KLF12: variants seen among roughly 807,000 people sequenced by gnomAD.
KLF12 encodes KLF transcription factor 12, also known as Krueppel-like factor 12.
A neutral mutation model predicts 37.8 loss-of-function variants in KLF12; 9 were observed. The ratio of observed to expected loss-of-function variants is 0.24; its 90% CI spans 0.14 to 0.42. The LOEUF is 0.42. Among genes scored for constraint, KLF12 ranks in the 10% least tolerant of loss-of-function variants. The pLI, the probability that KLF12 is intolerant of heterozygous loss-of-function variation, is 1.00. For synonymous variants in KLF12, 208 were observed against 202.1 expected (o/e 1.03, Z -0.25); for missense variants, 411 against 516.0 (o/e 0.80, Z 1.97).
chr13:73,976,278 A>G (rs1374815594), intron 2 of KLF12, among the ~76,000 whole-genome samples: 2 of 152,150 alleles, frequency 1.3e-5, no homozygotes, highest in Non-Finnish European at 2.9e-5. Flanking sequence ...TAAATAAGTG[A>G]AACAGATACA....
chr13:74,023,353 C>T (rs1892892573), intron 1 of KLF12, among the ~76,000 whole-genome samples: 1 of 152,204 alleles, frequency 6.6e-6, no homozygotes, highest in South Asian at 2.1e-4. Context: ...TTCTTCTCTA[C>T]TTATTGGCAG....
chr13:73,865,082 A>G (rs1487702054), intron 3 of KLF12, among the ~76,000 whole-genome samples: 2 of 152,148 alleles, frequency 1.3e-5, no homozygotes, highest in Non-Finnish European at 2.9e-5. Context: ...GGAGTCTATA[A>G]TAAGTCAAAT....
At chr13:74,112,331 T>C (rs1877020539) in intron 1 of KLF12, among the ~76,000 whole-genome samples, 1 of 150,960 alleles carries the variant, frequency 6.6e-6, no homozygotes, top group African/African-American at 2.4e-5. Flanking sequence ...AAAAGTTCTT[T>C]ATACAGGCAT....
At chr13:73,714,539 A>G (rs1875652806) in intron 7 of KLF12, among the ~76,000 whole-genome samples, 1 of 152,128 alleles carries the variant, frequency 6.6e-6, no homozygotes, top group African/African-American at 2.4e-5. Context: ...TCCCTGCTCT[A>G]TCGGCTTCTT....
intron 7 of KLF12, among the ~76,000 whole-genome samples, chr13:73,700,548 TA>T (rs1291723964): frequency 6.6e-6 from 1 of 151,842 alleles, no homozygotes; most frequent in African/African-American, 2.4e-5. Flanking sequence ...GCCCCATTAA[TA>T]AAATTAGAAT....
chr13:74,048,229 C>T (rs1893598760), intron 1 of KLF12, among the ~76,000 whole-genome samples: 1 of 152,178 alleles, frequency 6.6e-6, no homozygotes, highest in South Asian at 2.1e-4. Flanking sequence ...ACTTGCTGGC[C>T]ACATGTAGAG....
chr13:73,807,257 C>T (rs749494420), intron 5 of KLF12, among the ~76,000 whole-genome samples: 3 of 151,244 alleles, frequency 2.0e-5, no homozygotes, highest in East Asian at 1.9e-4. Context: ...TGCAGTGAGC[C>T]GAGATCGTGC....
intron 4 of KLF12, among the ~76,000 whole-genome samples, chr13:73,820,929 T>C (rs774757974): frequency 6.6e-6 from 1 of 152,192 alleles, no homozygotes; most frequent in Non-Finnish European, 1.5e-5. Context: ...TTAAGCCCTG[T>C]GGGCCCTGCC....
the KLF12 span, among the ~76,000 whole-genome samples, chr13:74,218,157 T>A: frequency 1.3e-5 from 2 of 152,218 alleles, no homozygotes; most frequent in East Asian, 1.9e-4. Flanking sequence ...TCCAAATTGC[T>A]GATGCTCCTC....
At chr13:74,088,342 C>T (rs1447876152) in intron 1 of KLF12, among the ~76,000 whole-genome samples, 1 of 151,964 alleles carries the variant, frequency 6.6e-6, no homozygotes, top group African/African-American at 2.4e-5. Flanking sequence ...ATTCTCCCAC[C>T]ACAGCCTCCC....
intron 3 of KLF12, among the ~76,000 whole-genome samples, chr13:73,872,877 C>G (rs941492740): frequency 6.6e-6 from 1 of 152,146 alleles, no homozygotes; most frequent in African/African-American, 2.4e-5. Flanking sequence ...TTAGGCTCAG[C>G]TGTGCAAACC....
upstream of KLF12, among the ~76,000 whole-genome samples, chr13:74,136,260 T>G (rs962347219): frequency 1.3e-5 from 2 of 152,066 alleles, no homozygotes; most frequent in Non-Finnish European, 2.9e-5. Context: ...TGCGGTGCGG[T>G]CTCTGTTCCG....
chr13:74,019,338 T>A (rs1475034799), intron 1 of KLF12, among the ~76,000 whole-genome samples: 2 of 152,194 alleles, frequency 1.3e-5, no homozygotes, highest in African/African-American at 4.8e-5. Context: ...ACTATCCATA[T>A]GAAAACTTCA....
chr13:73,833,094 G>A (rs150603369), intron 4 of KLF12, among the ~76,000 whole-genome samples: 134 of 152,270 alleles, frequency 8.8e-4, no homozygotes, highest in African/African-American at 2.9e-3. Flanking sequence ...AATTTGTTTC[G>A]CCCTGAGTGG....
chr13:74,148,905 C>G, the KLF12 span, among the ~76,000 whole-genome samples: 3 of 152,326 alleles, frequency 2.0e-5, no homozygotes, highest in South Asian at 6.2e-4. Flanking sequence ...GCCTCCGCCT[C>G]CCGGGTTCAG....
chr13:74,041,846 G>A (rs1466066319), intron 1 of KLF12, among the ~76,000 whole-genome samples: 1 of 151,856 alleles, frequency 6.6e-6, no homozygotes, highest in Non-Finnish European at 1.5e-5. Flanking sequence ...ATTGTGTGAA[G>A]GTATTCAAGC....
the KLF12 span, among the ~76,000 whole-genome samples, chr13:74,221,257 T>C: frequency 6.6e-5 from 10 of 152,276 alleles, no homozygotes; most frequent in South Asian, 8.3e-4. Flanking sequence ...CCGCCCGCCT[T>C]GGCCTCCCAA....
chr13:73,853,462 G>C (rs1465904938), intron 3 of KLF12, among the ~76,000 whole-genome samples: 3 of 152,162 alleles, frequency 2.0e-5, no homozygotes, highest in Non-Finnish European at 4.4e-5. Flanking sequence ...TGGTAAGCAG[G>C]ACAGGCGTGG....
chr13:73,750,673 G>T (rs1386625107), intron 6 of KLF12, among the ~76,000 whole-genome samples: 1 of 152,170 alleles, frequency 6.6e-6, no homozygotes, highest in Non-Finnish European at 1.5e-5. Context: ...TGCAGGACAT[G>T]CAGGTTTGTT....
Sources: gnomAD v4.1 joint callset for allele counts (sites outside exome capture counted in the v4.1 genomes callset) on GRCh38, gnomAD v4.1.1 for gene constraint, MANE v1.5 for transcripts, NCBI Gene and HGNC (gene_info 2026-07-23, HGNC 2026-07-21) for gene names.